Variants in ARHGEF10 observed in about 807,000 individuals in gnomAD.
The protein encoded by ARHGEF10 is Rho guanine nucleotide exchange factor 10, also known as Rho guanine nucleotide exchange factor (GEF) 10.
In ARHGEF10, 140 loss-of-function variants were observed where a neutral mutation model predicts 147.4. The ratio of observed to expected loss-of-function variants is 0.95; its 90% CI spans 0.83 to 1.09. The LOEUF (loss-of-function observed/expected upper bound fraction) is 1.09, where lower values mean the gene tolerates loss of function less well. Among genes scored for constraint, ARHGEF10 ranks in the 50% least tolerant of loss-of-function variants. The probability of loss-of-function intolerance (pLI) is 0.00; values close to 1 mark genes in which losing one functional copy is unlikely to be tolerated. For missense variants in ARHGEF10, 2,222 were observed against 1,752.7 expected (o/e 1.27, Z -4.78); for synonymous variants, 902 against 695.8 (o/e 1.30, Z -4.67).
At chr8:1,947,315 C>T (rs1426139040) in intron 27 of ARHGEF10, among the ~76,000 whole-genome samples, 1 of 152,144 alleles carries the variant, frequency 6.6e-6, no homozygotes, top group Non-Finnish European at 1.5e-5. Flanking sequence ...TGCCCTGCAG[C>T]GCAGACCTCC....
chr8:1,873,855 C>T (rs528636351), intron 7 of ARHGEF10, among the ~76,000 whole-genome samples: 22 of 145,860 alleles, frequency 1.5e-4, no homozygotes, highest in Non-Finnish European at 3.2e-4. Flanking sequence ...CACACAGGGC[C>T]ACTTTTTTCT....
chr8:1,926,697 A>G (rs527882217), intron 23 of ARHGEF10: 62 of 584,716 alleles, frequency 1.1e-4, no homozygotes, highest in Non-Finnish European at 1.7e-4. Flanking sequence ...TAAAACATTT[A>G]CCAGATAAAG....
At chr8:1,939,036 AAT>A (rs996428424) in intron 26 of ARHGEF10, among the ~76,000 whole-genome samples, 1 of 151,786 alleles carries the variant, frequency 6.6e-6, no homozygotes, top group African/African-American at 2.4e-5. Context: ...AACACTCTGG[AAT>A]ACCAGTCCCC....
chr8:1,890,446 A>G (rs1233327166), intron 11 of ARHGEF10, among the ~76,000 whole-genome samples: 1 of 143,876 alleles, frequency 7.0e-6, no homozygotes, highest in Non-Finnish European at 1.5e-5. Flanking sequence ...TTGTGAGGAG[A>G]CAGTGAGTGG....
chr8:1,844,158 G>A (rs1804322783), intron 2 of ARHGEF10, among the ~76,000 whole-genome samples: 1 of 152,116 alleles, frequency 6.6e-6, no homozygotes, highest in South Asian at 2.1e-4. Context: ...AGCTGTGGAG[G>A]TCACGGAATT....
At chr8:1,867,585 C>T (rs1806733658) in intron 6 of ARHGEF10, among the ~76,000 whole-genome samples, 1 of 152,182 alleles carries the variant, frequency 6.6e-6, no homozygotes, top group Non-Finnish European at 1.5e-5. Flanking sequence ...TCAGAGTAAA[C>T]CTAAAGGCAT....
At chr8:1,877,845 G>A (rs1447544023) in intron 8 of ARHGEF10, among the ~76,000 whole-genome samples, 9 of 152,078 alleles carry the variant, frequency 5.9e-5, no homozygotes, top group Non-Finnish European at 8.8e-5. Context: ...TGAGGCTGGC[G>A]AGTCCCGTGT....
chr8:1,830,258 G>GGGCCCAGGC (rs1803011726), intron 1 of ARHGEF10, among the ~76,000 whole-genome samples: 4 of 152,244 alleles, frequency 2.6e-5, no homozygotes, highest in Admixed American at 1.3e-4. Flanking sequence ...ATTTCCCGTG[G>GGGCCCAGGC]GGCTCAGGCG....
intron 2 of ARHGEF10, among the ~76,000 whole-genome samples, chr8:1,855,994 A>G (rs1390756421): frequency 6.6e-6 from 1 of 151,860 alleles, no homozygotes; most frequent in Non-Finnish European, 1.5e-5. Context: ...TTGAAAGTAC[A>G]TAGTTAACAA....
intron 26 of ARHGEF10, among the ~76,000 whole-genome samples, chr8:1,942,018 A>G (rs12547539): frequency 3.9e-5 from 6 of 151,914 alleles, no homozygotes; most frequent in African/African-American, 1.5e-4. Context: ...ACACCTTAAA[A>G]GAAATTATAG....
chr8:1,872,787 A>G (rs780085151), intron 7 of ARHGEF10, among the ~76,000 whole-genome samples: 3 of 152,172 alleles, frequency 2.0e-5, no homozygotes, highest in Non-Finnish European at 2.9e-5. Flanking sequence ...TAATTTATTC[A>G]TTCCGCAAAT....
chr8:1,868,978 CTT>C (rs1203783797), intron 6 of ARHGEF10, among the ~76,000 whole-genome samples: 1 of 152,006 alleles, frequency 6.6e-6, no homozygotes, highest in Non-Finnish European at 1.5e-5. Flanking sequence ...AAAAATAATG[CTT>C]ATGCTTTGGT....
rs374228171 is a variant in ARHGEF10 at position 1,865,866 on chromosome 8, C to T, written c.546-660C>T. On this transcript the variant is annotated intron_variant, in intron 5 of 28. Coordinates refer to ENST00000349830, the MANE Select transcript of ARHGEF10 (RefSeq NM_014629.4). ...CATCCTTGCACAGCTCCCCACAGGA[C>T]GCGGTGTCGGGACGACTGATCCCTG... Among the ~76,000 whole-genome samples the T allele has an allele frequency of 4.0e-4, 61 of 152,310 alleles. No homozygotes were observed. In the East Asian group the frequency reaches 7.0e-3, roughly 17 times the overall value.
rs960899530 is a variant in ARHGEF10 at position 1,933,825 on chromosome 8, A to G, written c.3105A>G (p.Gln1035=). 1.9e-6 allele frequency: 3 copies of G among 1,614,082 alleles called. No individual in the cohort carries two copies. The highest frequency in any genetic ancestry group is 1.7e-5 in the Admixed American group (1 of 60,012). ...APDGSWDSEP[Q]KVIKLGVLPV... ...ATGGATCCTGGGATTCAGAACCTCAAAAAGTGATCAAGTTAGGCGTCCTAC... is the reference window on the plus strand; with the variant it reads ...ATGGATCCTGGGATTCAGAACCTCAGAAAGTGATCAAGTTAGGCGTCCTAC... Residue 1035 remains glutamine (Q), a synonymous_variant, in exon 26 of 29, where the codon CAA becomes CAG. Transcript: ENST00000349830.
At position 1,948,272 on chromosome 8, in the gene ARHGEF10, G is replaced by A. The variant is rs919259492; in HGVS notation, c.3397+2617G>A. The stretch of plus-strand genomic sequence containing the variant: ...GTGCGTGCTCTCAGCCCCCTGCTCC[G>A]GGGGCCCCTGAATCGTGGGTCTTTA... On this transcript the variant is annotated intron_variant, in intron 27 of 28. Transcript: ENST00000349830. This position sits in a 1 kb window ranked among gnomAD's most constrained non-coding sequence, Gnocchi z 4.9. 1.3e-5 allele frequency among the ~76,000 whole-genome samples: 2 copies of A among 151,970 alleles called. No individual in the cohort carries two copies. Among genetic ancestry groups the A allele is most frequent in the Admixed American group, 1.3e-4 (2 of 15,272 alleles).
In ARHGEF10 at chr8:1,957,378, G is replaced by A; in HGVS notation, c.*115G>A. 2.1e-6 allele frequency: 3 copies of A among 1,434,808 alleles called. No homozygotes were observed. Among genetic ancestry groups the A allele is most frequent in the Non-Finnish European group, 2.8e-6 (3 of 1,061,766 alleles). 88.9% of individuals were successfully genotyped at this position (1,434,808 alleles called of 1,614,324 possible). A position where few individuals can be genotyped will look rare whatever the true frequency, so the allele number is the denominator to read the frequency against. ...ACTGGTTGGGAATAAATTAAAAACA[G>A]TATTTGGGGGAGAAACGTGCAATAG... is the stretch of plus-strand genomic sequence containing the variant. On this transcript the variant is annotated 3_prime_UTR_variant, in exon 29 of 29. Coordinates refer to ENST00000349830, the MANE Select transcript of ARHGEF10 (RefSeq NM_014629.4).
chr8:1,867,306 A>G (rs1043095124), intron 6 of ARHGEF10, among the ~76,000 whole-genome samples: 3 of 152,234 alleles, frequency 2.0e-5, no homozygotes, highest in Non-Finnish European at 2.9e-5. Context: ...CTATTACTTA[A>G]AGGACAGACT....
chr8:1,870,233 A>ACT (rs1806995339), intron 7 of ARHGEF10: 1 of 98,766 alleles, frequency 1.0e-5, no homozygotes, highest in African/African-American at 4.1e-5. Context: ...CTTGTTACCG[A>ACT]TTTTTTTTTT....
rs1317951029 is a variant in ARHGEF10, at chr8:1,840,079, T to C, written c.-47-3274T>C. On this transcript the variant is annotated intron_variant, in intron 1 of 28. Coordinates refer to ENST00000349830, the MANE Select transcript of ARHGEF10 (RefSeq NM_014629.4). The stretch of plus-strand genomic sequence containing the variant: ...GGGACTGTCTGGTGTGGAAGCTGTC[T>C]GGTGTGGGGACTGTCCGGTGTGGAA... Among the ~76,000 whole-genome samples, 163 of 112,220 alleles carry C rather than the reference T, an allele frequency of 1.5e-3. 2 individuals are homozygous for C. Among genetic ancestry groups the C allele is most frequent in the Middle Eastern group, 6.9e-3 (1 of 144 alleles). 73.6% of individuals were successfully genotyped at this position (112,220 alleles called of 152,430 possible).
Sources: allele counts gnomAD v4.1 joint callset (sites outside exome capture counted in the v4.1 genomes callset), GRCh38; gene constraint gnomAD v4.1.1; non-coding constraint Gnocchi (gnomAD v3.1); transcripts MANE v1.5; gene names NCBI Gene and HGNC (gene_info 2026-07-23, HGNC 2026-07-21).